The following PRH1 variants were observed in gnomAD, a reference collection of about 807,000 sequenced individuals.
PRH1 encodes proline rich protein HaeIII subfamily 1, also known as salivary acidic proline-rich phosphoprotein 1/2.
In PRH1, 7 loss-of-function variants were observed where a neutral mutation model predicts 7.9. The observed-to-expected ratio is 0.89, with a 90% CI of 0.50 to 1.67. PRH1 has a LOEUF of 1.67. PRH1 is among the 40% of genes most tolerant of loss of function. The probability of loss-of-function intolerance (pLI) is 0.00; values close to 1 mark genes in which losing one functional copy is unlikely to be tolerated. For synonymous variants in PRH1, 45 were observed against 80.8 expected (o/e 0.56, Z 2.38); for missense variants, 109 against 223.6 (o/e 0.49, Z 3.27).
At position 11,030,330 on chromosome 12, in the gene PRH1, A is replaced by G. The variant is rs1371734869; in HGVS notation, c.-126+16690T>C. ...CATACACATACAGTATAGAAAAACC[A>G]GTAAGAAATATAAAATGTTTCATAC... On this transcript the variant is annotated intron_variant, in intron 1 of 3. Transcript: ENST00000539853. The G allele has an allele frequency of 3.4e-6, 4 of 1,188,694 alleles. No homozygotes were observed. In the South Asian group the frequency reaches 4.4e-5, roughly 13 times the overall value. The allele number at this position is 1,188,694 out of a possible 1,614,324, so 73.6% of individuals were successfully genotyped here.
intron 1 of PRH1, among the ~76,000 whole-genome samples, chr12:11,156,216 T>C (rs565135046): frequency 6.6e-6 from 1 of 152,352 alleles, no homozygotes; most frequent in Non-Finnish European, 1.5e-5. Context: ...TTCCATGCTT[T>C]CTGCTGAAAA....
At chr12:11,008,401 C>G (rs564151822) in intron 1 of PRH1, among the ~76,000 whole-genome samples, 1 of 151,940 alleles carries the variant, frequency 6.6e-6, no homozygotes, top group Non-Finnish European at 1.5e-5. Context: ...CATAAACAGT[C>G]GAGTAACCAT....
chr12:11,126,795 G>T (rs1192815532), intron 1 of PRH1, among the ~76,000 whole-genome samples: 1 of 152,092 alleles, frequency 6.6e-6, no homozygotes, highest in Non-Finnish European at 1.5e-5. Flanking sequence ...TATACTGTAA[G>T]GCAAATTTTA....
chr12:11,170,503 C>T (rs896290182), intron 1 of PRH1, among the ~76,000 whole-genome samples: 4 of 152,140 alleles, frequency 2.6e-5, no homozygotes, highest in Non-Finnish European at 4.4e-5. Flanking sequence ...GCCGAGATCG[C>T]GCCACTGCAC....
intron 1 of PRH1, chr12:11,031,182 C>T: frequency 6.2e-7 from 1 of 1,614,184 alleles, no homozygotes; most frequent in Non-Finnish European, 8.5e-7. Context: ...CTGGAGACCG[C>T]CAGAGCAGTG....
chr12:10,908,845 T>C, intron 2 of PRH1: 1 of 1,613,614 alleles, frequency 6.2e-7, no homozygotes. Flanking sequence ...CAGTCTTTTA[T>C]ATGCATGTTT....
intron 1 of PRH1, among the ~76,000 whole-genome samples, chr12:11,075,784 C>T (rs1944263052): frequency 6.9e-6 from 1 of 144,068 alleles, no homozygotes; most frequent in African/African-American, 2.5e-5. Flanking sequence ...AGCCTATAAC[C>T]TCAACCTGAA....
Position 11,057,187 on chromosome 12 carries a change from G to A in PRH1, n.124-9999C>T, listed in dbSNP as rs1392230496. On this transcript the variant is annotated intron_variant and non_coding_transcript_variant, in intron 1 of 4. Transcript: ENST00000541977. Reference sequence around the variant, plus strand: ...ACGCCAGCTAATTTTTCAATTTTTTGTAGACATGGAGTTTCCATATGTTGC... The same window carrying A: ...ACGCCAGCTAATTTTTCAATTTTTTATAGACATGGAGTTTCCATATGTTGC... Among the ~76,000 whole-genome samples the A allele has an allele frequency of 2.0e-5, 3 of 151,976 alleles. No homozygotes were observed. In the East Asian group the frequency reaches 5.8e-4, roughly 29 times the overall value.
chr12:10,986,632 T>A (rs759633440), intron 1 of PRH1: 2 of 1,613,362 alleles, frequency 1.2e-6, no homozygotes, highest in South Asian at 2.2e-5. Context: ...AATTCTACAC[T>A]ATAAAAAGCT....
At chr12:10,937,204 TTCTCTCTCTCTCTC>T (rs61659284) in intron 2 of PRH1, among the ~76,000 whole-genome samples, 3 of 147,204 alleles carry the variant, frequency 2.0e-5, no homozygotes, top group Non-Finnish European at 4.5e-5. Context: ...GCAATTTTAT[TTCTCTCTCTCTCTC>T]TCTCTCTCTC....
At chr12:10,929,223 A>G (rs1156496519) in intron 2 of PRH1, 1 of 1,612,308 alleles carries the variant, frequency 6.2e-7, no homozygotes, top group East Asian at 2.2e-5. Context: ...AAGGGAGCTG[A>G]CACGTTTCTC....
At chr12:11,130,038 C>G (rs1332479044) in intron 1 of PRH1, among the ~76,000 whole-genome samples, 1 of 152,180 alleles carries the variant, frequency 6.6e-6, no homozygotes, top group African/African-American at 2.4e-5. Flanking sequence ...GCAGTCCCAG[C>G]TGCCAGCAAT....
chr12:11,118,846 T>A (rs1945806138), downstream of PRH1, among the ~76,000 whole-genome samples: 2 of 151,770 alleles, frequency 1.3e-5, no homozygotes, highest in Admixed American at 1.3e-4. Flanking sequence ...TACAAAAAAA[T>A]TAGCTGGGCG....
intron 1 of PRH1, among the ~76,000 whole-genome samples, chr12:10,992,238 G>A (rs555071050): frequency 2.0e-5 from 3 of 152,218 alleles, no homozygotes; most frequent in Non-Finnish European, 4.4e-5. Flanking sequence ...TCAAGCACCT[G>A]TAGCCATTTC....
chr12:10,890,459 T>G (rs528861981), intron 2 of PRH1, among the ~76,000 whole-genome samples: 1 of 152,274 alleles, frequency 6.6e-6, no homozygotes, highest in African/African-American at 2.4e-5. Flanking sequence ...CTCAGGCACT[T>G]CTTTTTCCTT....
At position 11,075,280 on chromosome 12, in the gene PRH1, T is replaced by C. The variant is rs1480195360; in HGVS notation, n.124-28092A>G. Among the ~76,000 whole-genome samples the C allele has an allele frequency of 3.6e-5, 5 of 137,044 alleles. 1 individual carries two copies. The highest frequency in any genetic ancestry group is 1.3e-4 in the African/African-American group (5 of 38,382). The allele number at this position is 137,044 out of a possible 152,430, so 89.9% of individuals were successfully genotyped here. ...AAGCGAAATGCCATCTTTGTGTATA[T>C]AGTAACCAGCTAGAAAATATCATAA... On this transcript the variant is annotated intron_variant and non_coding_transcript_variant, in intron 1 of 4. Transcript: ENST00000541977.
chr12:11,132,384 T>C (rs1016569553), intron 1 of PRH1, among the ~76,000 whole-genome samples: 2 of 152,280 alleles, frequency 1.3e-5, no homozygotes, highest in African/African-American at 4.8e-5. Context: ...ATCTGAAGTT[T>C]AGAAAGAATT....
intron 1 of PRH1, chr12:11,097,089 C>T (rs1433931076): frequency 1.4e-5 from 2 of 142,844 alleles, no homozygotes; most frequent in South Asian, 7.3e-5. Context: ...TGAGCCACCG[C>T]GCCTGCCCTA....
intron 1 of PRH1, among the ~76,000 whole-genome samples, chr12:11,126,423 T>C (rs1946131299): frequency 2.0e-5 from 3 of 152,286 alleles, no homozygotes; most frequent in South Asian, 4.1e-4. Flanking sequence ...TTTTCCTTTT[T>C]ATTAACATTC....
Sources: allele counts gnomAD v4.1 joint callset (sites outside exome capture counted in the v4.1 genomes callset), GRCh38; gene constraint gnomAD v4.1.1; transcripts MANE v1.5; gene names NCBI Gene and HGNC (gene_info 2026-07-23, HGNC 2026-07-21).